Variants in MYO10 observed in about 807,000 individuals in gnomAD.
MYO10 encodes the protein unconventional myosin-X.
Under a neutral mutation model 257.3 loss-of-function variants are expected in MYO10, and 133 were observed. The observed-to-expected ratio is 0.52, with a 90% CI of 0.45 to 0.60. MYO10 has a LOEUF of 0.60. Among genes scored for constraint, MYO10 ranks in the 20% least tolerant of loss-of-function variants. The pLI, the probability that MYO10 is intolerant of heterozygous loss-of-function variation, is 0.00. For synonymous variants in MYO10, 1,104 were observed against 1,028.6 expected, an observed-to-expected ratio of 1.07 and a Z score of -1.40; for missense variants, 2,399 against 2,635.7, an observed-to-expected ratio of 0.91 and a Z score of 1.97.
At chr5:16,707,855 T>C (rs746054472) in intron 21 of MYO10, among the ~76,000 whole-genome samples, 5 of 152,162 alleles carry the variant, frequency 3.3e-5, no homozygotes, top group African/African-American at 4.8e-5. Flanking sequence ...CAAGAACAAA[T>C]ATGTTTTGGA....
rs1483017437 is a variant in MYO10, at chr5:16,666,800, A to AG, written c.6076-8dup. 3.8e-6 allele frequency: 6 copies of AG among 1,589,274 alleles called. No homozygotes were observed. Among genetic ancestry groups the AG allele is most frequent in the African/African-American group, 1.3e-5 (1 of 74,656 alleles). The stretch of plus-strand genomic sequence containing the variant: ...GCTTGGCCACATCCACCACCTGCCC[A>AG]GGGGGAAGCAGAACCGACACAGCGT... On this transcript the variant is annotated splice_polypyrimidine_tract_variant and splice_region_variant and intron_variant, in intron 40 of 40. Transcript: ENST00000513610.
intron 19 of MYO10, among the ~76,000 whole-genome samples, chr5:16,737,064 A>G (rs1329945664): frequency 1.3e-5 from 2 of 152,164 alleles, no homozygotes; most frequent in Admixed American, 6.5e-5. Context: ...CTCTTACTTA[A>G]TATTCTTATT....
rs562252565 is a variant in MYO10 at position 16,856,415 on chromosome 5, T to C, written c.120+21194A>G. Among the ~76,000 whole-genome samples, 221 of 152,044 alleles carry C rather than the reference T, an allele frequency of 1.5e-3. 1 individual carries two copies. Among genetic ancestry groups the C allele is most frequent in the African/African-American group, 5.2e-3 (217 of 41,486 alleles). Reference sequence around the variant, plus strand: ...AAATACAAAAACTAGCTGGGCGTGGTGGTGTACACCTGTAATCCCAGCTAC... The same window carrying C: ...AAATACAAAAACTAGCTGGGCGTGGCGGTGTACACCTGTAATCCCAGCTAC... On this transcript the variant is annotated intron_variant, in intron 2 of 40. Transcript: ENST00000513610.
At chr5:16,730,472 G>A (rs956239834) in intron 19 of MYO10, among the ~76,000 whole-genome samples, 3 of 152,146 alleles carry the variant, frequency 2.0e-5, no homozygotes, top group Non-Finnish European at 4.4e-5. Flanking sequence ...GTGGATTAAG[G>A]TGCATGGAGA....
chr5:16,796,204 G>GA, intron 3 of MYO10, among the ~76,000 whole-genome samples: 1 of 37,928 alleles, frequency 2.6e-5, no homozygotes, highest in Non-Finnish European at 7.4e-5. Context: ...AAAAAAAAAA[G>GA]AAAGAACAGA....
At chr5:16,755,290 A>G (rs970162145) in intron 18 of MYO10, among the ~76,000 whole-genome samples, 2 of 152,046 alleles carry the variant, frequency 1.3e-5, no homozygotes, top group African/African-American at 4.8e-5. Flanking sequence ...CTCAGCCTCC[A>G]GAGTAGCTGG....
intron 19 of MYO10, among the ~76,000 whole-genome samples, chr5:16,711,601 G>A (rs548570155): frequency 3.4e-4 from 52 of 152,140 alleles, no homozygotes; most frequent in African/African-American, 1.2e-3. Flanking sequence ...GGCCAATATG[G>A]TGAAACCCCG....
chr5:16,818,427 C>CGTATATATATATAT lies in MYO10; in HGVS notation c.121-261_121-260insATATATATATATAC, dbSNP rs1561000965. Among the ~76,000 whole-genome samples the CGTATATATATATAT allele has an allele frequency of 7.9e-4, 110 of 139,124 alleles. 1 individual carries two copies. Among genetic ancestry groups the CGTATATATATATAT allele is most frequent in the African/African-American group, 3.0e-3 (107 of 35,152 alleles). 91.3% of individuals were successfully genotyped at this position (139,124 alleles called of 152,430 possible). On this transcript the variant is annotated intron_variant, in intron 2 of 40. Coordinates refer to ENST00000513610, the MANE Select transcript of MYO10 (RefSeq NM_012334.3). The stretch of plus-strand genomic sequence containing the variant: ...GTGTGTGTGTATATATATATATATA[C>CGTATATATATATAT]ACATATCTTTGTTGTTGTTGTTGTT...
At chr5:16,921,390 A>G (rs1745976702) in intron 1 of MYO10, among the ~76,000 whole-genome samples, 1 of 152,144 alleles carries the variant, frequency 6.6e-6, no homozygotes, top group Admixed American at 6.6e-5. Flanking sequence ...GGGACCAATG[A>G]AAGCCTTAGC....
intron 19 of MYO10, among the ~76,000 whole-genome samples, chr5:16,753,427 A>G (rs1423797670): frequency 6.7e-6 from 1 of 150,008 alleles, no homozygotes; most frequent in East Asian, 2.0e-4. Context: ...TCGGCCTCCC[A>G]AAGTGCTGGG....
chr5:16,730,025 T>G (rs1386255193), intron 19 of MYO10, among the ~76,000 whole-genome samples: 1 of 152,174 alleles, frequency 6.6e-6, no homozygotes, highest in African/African-American at 2.4e-5. Context: ...CTTTCCAGGA[T>G]TAATGTTTAC....
At chr5:16,725,173 G>GCCTCCC (rs944591055) in intron 19 of MYO10, among the ~76,000 whole-genome samples, 1 of 135,822 alleles carries the variant, frequency 7.4e-6, no homozygotes, top group African/African-American at 2.7e-5. Flanking sequence ...TGCAACCTCA[G>GCCTCCC]CCTCCCGGGT....
At chr5:16,882,114 T>C (rs1029333128) in intron 1 of MYO10, among the ~76,000 whole-genome samples, 1 of 152,218 alleles carries the variant, frequency 6.6e-6, no homozygotes, top group Non-Finnish European at 1.5e-5. Context: ...GAAATGTTTC[T>C]GCAATATAAA....
Position 16,689,197 on chromosome 5 carries a change from A to G in MYO10, c.3896+627T>C, listed in dbSNP as rs116624110. ...TAATAATTAATGTCTACCTTGCAGG[A>G]TCCAAGAGAATCAAAAGAGTTAATA... On this transcript the variant is annotated intron_variant, in intron 28 of 40. Transcript: ENST00000513610. Among the ~76,000 whole-genome samples, 1,115 of 152,318 alleles carry G rather than the reference A, an allele frequency of 7.3e-3. 4 individuals are homozygous for G. Among genetic ancestry groups the G allele is most frequent in the Non-Finnish European group, 0.01 (682 of 68,038 alleles).
At chr5:16,745,951 G>C (rs905410802) in intron 19 of MYO10, among the ~76,000 whole-genome samples, 3 of 152,144 alleles carry the variant, frequency 2.0e-5, no homozygotes, top group Non-Finnish European at 4.4e-5. Flanking sequence ...CCCCAAGAGA[G>C]GGTTCTTGGA....
intron 3 of MYO10, among the ~76,000 whole-genome samples, chr5:16,801,277 A>C (rs1742112826): frequency 6.6e-6 from 1 of 152,156 alleles, no homozygotes; most frequent in African/African-American, 2.4e-5. Flanking sequence ...GTGCAATCTC[A>C]GCTTACTGCA....
chr5:16,679,108 TAGAG>T (rs1396123913), intron 33 of MYO10, among the ~76,000 whole-genome samples: 4 of 152,340 alleles, frequency 2.6e-5, no homozygotes, highest in East Asian at 3.9e-4. Context: ...TCGGTGTTAA[TAGAG>T]AGACTCAGGA....
intron 19 of MYO10, among the ~76,000 whole-genome samples, chr5:16,733,057 C>A (rs1057128810): frequency 5.9e-5 from 9 of 152,104 alleles, no homozygotes; most frequent in Non-Finnish European, 1.2e-4. Context: ...TCACTTGAAC[C>A]CGGGAAGTGG....
intron 37 of MYO10, 53 bp from the exon 38 acceptor site, chr5:16,671,595 T>G: frequency 6.2e-7 from 1 of 1,609,356 alleles, no homozygotes; most frequent in East Asian, 2.2e-5. Flanking sequence ...GGGCCTTCAG[T>G]GACCCGCAGG....
Sources: gnomAD v4.1 joint callset for allele counts (sites outside exome capture counted in the v4.1 genomes callset) on GRCh38, gnomAD v4.1.1 for gene constraint, MANE v1.5 for transcripts, NCBI Gene and HGNC (gene_info 2026-07-23, HGNC 2026-07-21) for gene names.